Variants in ENOX1 observed in about 807,000 individuals in gnomAD.
ENOX1 encodes the protein candidate growth-related and time keeping constitutive hydroquinone (NADH) oxidase.
A neutral mutation model predicts 82.5 loss-of-function variants in ENOX1; 42 were observed. The observed-to-expected ratio is 0.51, with a 90% CI of 0.40 to 0.66. ENOX1 has a LOEUF of 0.66. ENOX1 is among the 30% of genes least tolerant of loss of function. ENOX1 has a pLI of 0.00. For missense variants in ENOX1, 608 were observed against 811.6 expected (o/e 0.75, Z 3.05); for synonymous variants, 271 against 282.2 (o/e 0.96, Z 0.40).
chr13:43,320,919 C>A (rs2047771033), intron 11 of ENOX1, among the ~76,000 whole-genome samples: 1 of 152,192 alleles, frequency 6.6e-6, no homozygotes, highest in East Asian at 1.9e-4. Flanking sequence ...GAATAGAAAT[C>A]CTGTGAGGAA....
chr13:43,711,841 G>A (rs1213618169), intron 1 of ENOX1, among the ~76,000 whole-genome samples: 1 of 149,686 alleles, frequency 6.7e-6, no homozygotes, highest in Non-Finnish European at 1.5e-5. Context: ...AGATGAGTAG[G>A]TTGTGAAAAT....
chr13:43,738,756 AT>A (rs1354392380), intron 1 of ENOX1, among the ~76,000 whole-genome samples: 1 of 152,018 alleles, frequency 6.6e-6, no homozygotes, highest in Admixed American at 6.6e-5. Context: ...CATTTTGCCT[AT>A]TCATGCTAGT....
intron 9 of ENOX1, among the ~76,000 whole-genome samples, chr13:43,335,620 C>T (rs1011429828): frequency 6.6e-5 from 10 of 152,126 alleles, no homozygotes; most frequent in Non-Finnish European, 1.2e-4. Flanking sequence ...TGCTGAATTT[C>T]ACTTAATATG....
chr13:43,390,260 A>C (rs553357283), intron 5 of ENOX1, among the ~76,000 whole-genome samples: 2 of 152,330 alleles, frequency 1.3e-5, no homozygotes, highest in African/African-American at 4.8e-5. Context: ...CATATAAATG[A>C]GCTTTAGACA....
chr13:43,510,116 CA>C (rs1404053450), intron 2 of ENOX1, among the ~76,000 whole-genome samples: 1 of 151,880 alleles, frequency 6.6e-6, no homozygotes, highest in Non-Finnish European at 1.5e-5. Context: ...ACAGCAACAA[CA>C]AAAAGAATAA....
At chr13:43,468,630 A>G (rs1440752610) in intron 3 of ENOX1, among the ~76,000 whole-genome samples, 1 of 120,322 alleles carries the variant, frequency 8.3e-6, no homozygotes, top group Non-Finnish European at 1.8e-5. Context: ...TTCTCCACAA[A>G]AAAGAAAAAA....
chr13:43,685,292 CT>C (rs1195139139), intron 1 of ENOX1, among the ~76,000 whole-genome samples: 1 of 152,144 alleles, frequency 6.6e-6, no homozygotes, highest in African/African-American at 2.4e-5. Flanking sequence ...TTCTATTCCC[CT>C]GGGTAGCTTG....
intron 4 of ENOX1, among the ~76,000 whole-genome samples, chr13:43,412,540 C>T (rs1166249414): frequency 1.3e-5 from 2 of 152,194 alleles, no homozygotes; most frequent in African/African-American, 4.8e-5. Flanking sequence ...CCTTCCTTTA[C>T]AAACTTTTAC....
intron 5 of ENOX1, among the ~76,000 whole-genome samples, chr13:43,373,185 A>G (rs2051360231): frequency 6.6e-6 from 1 of 151,970 alleles, no homozygotes; most frequent in African/African-American, 2.4e-5. Context: ...AAAAAAGCAT[A>G]TCCTACTTCT....
At chr13:43,532,852 TTTA>T (rs1303966188) in intron 2 of ENOX1, among the ~76,000 whole-genome samples, 1 of 151,262 alleles carries the variant, frequency 6.6e-6, no homozygotes, top group East Asian at 1.9e-4. Flanking sequence ...AACAATGTGT[TTTA>T]TTTTTAAATG....
At chr13:43,764,929 T>C (rs1951182932) in intron 1 of ENOX1, among the ~76,000 whole-genome samples, 1 of 152,232 alleles carries the variant, frequency 6.6e-6, no homozygotes, top group African/African-American at 2.4e-5. Flanking sequence ...AAACTAGGGC[T>C]AAGGTCATGA....
intron 1 of ENOX1, among the ~76,000 whole-genome samples, chr13:43,744,654 C>CT (rs747406170): frequency 5.3e-5 from 8 of 152,192 alleles, no homozygotes; most frequent in Non-Finnish European, 1.2e-4. Flanking sequence ...GGAGTGTGAA[C>CT]TTTAATATTT....
intron 13 of ENOX1, among the ~76,000 whole-genome samples, chr13:43,268,663 T>C (rs1253546261): frequency 1.3e-5 from 2 of 152,178 alleles, no homozygotes; most frequent in Non-Finnish European, 2.9e-5. Context: ...TGTAAGGTTA[T>C]TTATACAATA....
intron 2 of ENOX1, among the ~76,000 whole-genome samples, chr13:43,514,470 G>A (rs1487850353): frequency 6.6e-6 from 1 of 151,896 alleles, no homozygotes; most frequent in Non-Finnish European, 1.5e-5. Flanking sequence ...ACTTGTACTT[G>A]TAGCCAAACA....
intron 15 of ENOX1, among the ~76,000 whole-genome samples, chr13:43,228,095 CTTTT>C (rs551861545): frequency 9.2e-4 from 78 of 84,710 alleles, no homozygotes; most frequent in Non-Finnish European, 1.2e-3. Context: ...CTCTTTGCAG[CTTTT>C]TTTTTTTTTT....
chr13:43,369,874 C>A (rs371373792), intron 5 of ENOX1, among the ~76,000 whole-genome samples: 1 of 152,232 alleles, frequency 6.6e-6, no homozygotes, highest in Non-Finnish European at 1.5e-5. Flanking sequence ...GCCTTCCTGG[C>A]AGATGCCTAC....
intron 2 of ENOX1, among the ~76,000 whole-genome samples, chr13:43,588,613 C>T (rs575533940): frequency 3.0e-4 from 46 of 152,332 alleles, no homozygotes; most frequent in African/African-American, 1.0e-3. Flanking sequence ...CATTCCCATA[C>T]CTCCTAGACA....
In ENOX1 at chr13:43,733,314, G is replaced by A. The variant is rs1340682100; in HGVS notation, c.-285+53338C>T. On this transcript the variant is annotated intron_variant, in intron 1 of 16. Transcript: ENST00000690772. ...AATACCTTCTGTGCAACAGAAGAGC[G>A]AAGACCAGATAGCAATTCCCATATG... Among the ~76,000 whole-genome samples the A allele has an allele frequency of 3.9e-5, 6 of 152,272 alleles. No individual in the cohort carries two copies. In the South Asian group the frequency reaches 6.2e-4, roughly 16 times the overall value.
chr13:43,551,443 TAAAG>T (rs753334855), intron 2 of ENOX1, among the ~76,000 whole-genome samples: 12 of 152,110 alleles, frequency 7.9e-5, no homozygotes, highest in Admixed American at 2.6e-4. Context: ...AAAATAATAA[TAAAG>T]AGAGAAAAAA....
Sources: gnomAD v4.1 joint callset for allele counts (sites outside exome capture counted in the v4.1 genomes callset) on GRCh38, gnomAD v4.1.1 for gene constraint, MANE v1.5 for transcripts, NCBI Gene and HGNC (gene_info 2026-07-23, HGNC 2026-07-21) for gene names.